MIGA1: variants seen among roughly 807,000 people sequenced by gnomAD.
MIGA1 encodes the protein family with sequence similarity 73, member A.
MIGA1 carries 58 observed loss-of-function variants against 82.0 expected under a neutral mutation model. That is an observed-to-expected ratio of 0.71 (90% CI 0.57 to 0.88). The LOEUF (loss-of-function observed/expected upper bound fraction) is 0.88, where lower values mean the gene tolerates loss of function less well. Ranked by LOEUF, MIGA1 falls within the 40% of genes least tolerant of loss-of-function variation. The pLI, the probability that MIGA1 is intolerant of heterozygous loss-of-function variation, is 0.00. For missense variants in MIGA1, 751 were observed against 749.1 expected (o/e 1.00, Z -0.03); for synonymous variants, 249 against 253.6 (o/e 0.98, Z 0.17).
chr1:77,788,009 C>T (rs538804839), intron 2 of MIGA1, among the ~76,000 whole-genome samples: 2 of 150,940 alleles, frequency 1.3e-5, no homozygotes, highest in African/African-American at 4.9e-5. Flanking sequence ...TTTTTTTAGA[C>T]AGAGTCTCGC....
At chr1:77,835,138 C>T (rs762743395) in intron 7 of MIGA1, among the ~76,000 whole-genome samples, 1 of 152,136 alleles carries the variant, frequency 6.6e-6, no homozygotes, top group African/African-American at 2.4e-5. Flanking sequence ...GAAGTAGATC[C>T]AGGCCTGAAA....
chr1:77,784,633 C>T (rs925575625), intron 2 of MIGA1, among the ~76,000 whole-genome samples: 3 of 152,126 alleles, frequency 2.0e-5, no homozygotes, highest in African/African-American at 7.2e-5. Context: ...ACAGTTTTTC[C>T]ACATCCTCAT....
chr1:77,857,018 T>C (rs1187731181), intron 8 of MIGA1, among the ~76,000 whole-genome samples: 2 of 152,208 alleles, frequency 1.3e-5, no homozygotes. Context: ...TTTAGGGCTA[T>C]GAACTTTCCT....
intron 14 of MIGA1, among the ~76,000 whole-genome samples, chr1:77,866,685 ATTT>A (rs67081783): frequency 1.0e-4 from 13 of 129,144 alleles, no homozygotes; most frequent in Non-Finnish European, 1.1e-4. Flanking sequence ...AATGATATTA[ATTT>A]TTTTTTTTTT....
intron 13 of MIGA1, among the ~76,000 whole-genome samples, chr1:77,864,972 G>C (rs1487340081): frequency 1.3e-5 from 2 of 152,022 alleles, no homozygotes; most frequent in Non-Finnish European, 2.9e-5. Context: ...AATTATTTTG[G>C]AACTTACTGA....
At chr1:77,818,869 C>T (rs1365489562) in intron 7 of MIGA1, among the ~76,000 whole-genome samples, 2 of 151,894 alleles carry the variant, frequency 1.3e-5, no homozygotes, top group African/African-American at 4.8e-5. Flanking sequence ...CACCTGAGGT[C>T]GGGAGTTCGA....
chr1:77,807,139 C>A (rs370102859), intron 5 of MIGA1, 38 bp downstream of exon 5: 76 of 1,479,624 alleles, frequency 5.1e-5, no homozygotes, highest in Non-Finnish European at 6.7e-5. Context: ...ATACTGTGCT[C>A]ACATTTAATT....
intron 8 of MIGA1, among the ~76,000 whole-genome samples, chr1:77,857,322 G>T (rs1557931479): frequency 1.4e-5 from 2 of 144,102 alleles, no homozygotes; most frequent in African/African-American, 5.1e-5. Context: ...GTGTACTTTG[G>T]TTTTTTTTTT....
chr1:77,789,156 T>C (rs1038329395), intron 2 of MIGA1, among the ~76,000 whole-genome samples: 2 of 151,472 alleles, frequency 1.3e-5, no homozygotes, highest in Non-Finnish European at 2.9e-5. Context: ...CTAAGTATTG[T>C]ATTCTTTTGG....
intron 7 of MIGA1, among the ~76,000 whole-genome samples, chr1:77,829,743 T>C (rs1193748627): frequency 6.6e-6 from 1 of 152,170 alleles, no homozygotes; most frequent in East Asian, 1.9e-4. Flanking sequence ...AGTCCTGAGA[T>C]TACAGGCGTG....
chr1:77,874,673 C>G (rs1646879746), intron 15 of MIGA1, among the ~76,000 whole-genome samples, 173 bp from the exon 16 acceptor site: 2 of 151,998 alleles, frequency 1.3e-5, no homozygotes, highest in South Asian at 4.2e-4. Flanking sequence ...AATGAGCCCC[C>G]AAAAAGGAAA....
rs375687098 is a variant in MIGA1, at chr1:77,803,338, C to T, written c.442C>T (p.Gln148Ter). Residue 148 changes from glutamine to a stop codon, truncating the protein, a stop_gained, in exon 4 of 16, where the codon CAA becomes TAA. Transcript: ENST00000370791. LOFTEE classifies it high-confidence loss of function. The stretch of plus-strand genomic sequence containing the variant: ...AAGTTCTACCAAAGACAAAGGATCT[C>T]AAGTTTGTAACTATGCTAATGGAGG... 30 of 1,569,248 alleles carry T rather than the reference C, an allele frequency of 1.9e-5. No homozygotes were observed. Among genetic ancestry groups the T allele is most frequent in the Non-Finnish European group, 2.5e-5 (29 of 1,154,864 alleles).
rs1234621487 is a variant in MIGA1, at chr1:77,793,848, G to A, written c.196-7483G>A. ...GTCGCCCAGGCTGGAGTGCAGTGGC[G>A]TGATCTCAGCTCACTGCAACCTCTA... On this transcript the variant is annotated intron_variant, in intron 2 of 15. Transcript: ENST00000370791. 3.4e-5 allele frequency among the ~76,000 whole-genome samples: 5 copies of A among 147,688 alleles called. No individual in the cohort carries two copies. The South Asian group carries it at 6.5e-4, about 19-fold the overall frequency.
At chr1:77,822,922 C>T in intron 7 of MIGA1, among the ~76,000 whole-genome samples, 1 of 150,672 alleles carries the variant, frequency 6.6e-6, no homozygotes, top group Non-Finnish European at 1.5e-5. Context: ...GGCTCGCTGC[C>T]ACCTCCACCT....
intron 2 of MIGA1, among the ~76,000 whole-genome samples, chr1:77,792,315 T>A (rs1490711412): frequency 2.0e-5 from 3 of 152,154 alleles, no homozygotes; most frequent in Non-Finnish European, 4.4e-5. Flanking sequence ...AGTTACAGAT[T>A]ATCAGTTTTG....
intron 8 of MIGA1, chr1:77,848,080 G>C: frequency 7.7e-7 from 1 of 1,297,588 alleles, no homozygotes; most frequent in South Asian, 1.2e-5. Flanking sequence ...CACGAGAAAA[G>C]GGAAGATCAG....
intron 8 of MIGA1, among the ~76,000 whole-genome samples, chr1:77,850,586 A>G (rs1056503842): frequency 3.3e-5 from 5 of 152,216 alleles, no homozygotes; most frequent in Admixed American, 6.5e-5. Flanking sequence ...TTGAAACTTC[A>G]GACATTTCAT....
At position 77,875,197 on chromosome 1, in the gene MIGA1, A is replaced by G. The variant is rs1018662587; in HGVS notation, c.*133A>G. 4 of 695,600 alleles carry G rather than the reference A, an allele frequency of 5.8e-6. No individual in the cohort carries two copies. In the African/African-American group the frequency reaches 7.2e-5, roughly 13 times the overall value. The allele number at this position is 695,600 out of a possible 1,614,324, so 43.1% of individuals were successfully genotyped here. A position where few individuals can be genotyped will look rare whatever the true frequency, so the allele number is the denominator to read the frequency against. On this transcript the variant is annotated 3_prime_UTR_variant, in exon 16 of 16. Coordinates refer to ENST00000370791, the MANE Select transcript of MIGA1 (RefSeq NM_198549.4). ...GGGAGGAAAAAAAAATCTACTAAAA[A>G]ATGAGCAACTGTACTGTATTTATAC...
At chr1:77,853,159 A>G (rs974946527) in intron 8 of MIGA1, among the ~76,000 whole-genome samples, 1 of 152,224 alleles carries the variant, frequency 6.6e-6, no homozygotes, top group Non-Finnish European at 1.5e-5. Flanking sequence ...AAAGCAAAAA[A>G]TGTCAAAAAC....
Sources: allele counts gnomAD v4.1 joint callset (sites outside exome capture counted in the v4.1 genomes callset), GRCh38; gene constraint gnomAD v4.1.1; transcripts MANE v1.5; gene names NCBI Gene and HGNC (gene_info 2026-07-23, HGNC 2026-07-21).